The following SNIP1 variants were observed in gnomAD, a reference collection of about 807,000 sequenced individuals.
SNIP1 encodes the protein Smad nuclear interacting protein 1.
In SNIP1, 23 loss-of-function variants were observed where a neutral mutation model predicts 37.4. The ratio of observed to expected loss-of-function variants is 0.61; its 90% CI spans 0.44 to 0.87. The LOEUF (loss-of-function observed/expected upper bound fraction) is 0.87, where lower values mean the gene tolerates loss of function less well. Among genes scored for constraint, SNIP1 ranks in the 40% least tolerant of loss-of-function variants. The pLI is 0.00. For missense variants in SNIP1, 459 were observed against 540.4 expected (o/e 0.85, Z 1.49); for synonymous variants, 174 against 200.0 (o/e 0.87, Z 1.10).
chr1:37,549,371 G>GC (rs923004074), intron 2 of SNIP1, among the ~76,000 whole-genome samples: 1 of 152,056 alleles, frequency 6.6e-6, no homozygotes, highest in African/African-American at 2.4e-5. Context: ...GTCAATTATT[G>GC]CCCCCAAACG....
rs202020647 is a variant in SNIP1 at position 37,540,752 on chromosome 1, G to A, written c.331C>T (p.Arg111Cys). The A allele has an allele frequency of 1.3e-4, 206 of 1,590,180 alleles. No homozygotes were observed. In the Middle Eastern group the frequency reaches 1.3e-3, roughly 10 times the overall value. Reference protein sequence around the residue: ...HHSTVKVKQEREDHPRRGRED... With the variant: ...HHSTVKVKQECEDHPRRGRED... ...CGTCCTCTCCGGGGATGATCCTCAC[G>A]CTCCTAAAATTCAAACAGATTCTGT... The change falls in exon 3 of 4, where the codon CGT (arginine) becomes TGT (cysteine). Residue 111 changes from arginine to cysteine, a missense_variant. Arg to Cys is a radical substitution (Grantham distance 180). Coordinates refer to ENST00000296215, the MANE Select transcript of SNIP1 (RefSeq NM_024700.4). This position sits in a 1 kb window ranked among gnomAD's most constrained non-coding sequence, Gnocchi z 5.6.
At chr1:37,541,161 T>C (rs1643170135) in intron 2 of SNIP1, 1 of 158,886 alleles carries the variant, frequency 6.3e-6, no homozygotes, top group Non-Finnish European at 1.4e-5. Flanking sequence ...AGAAACTAGC[T>C]TTCTCTCATG....
rs912001333 is a variant in SNIP1, at chr1:37,553,952, G to C, written c.224+54C>G. 5.2e-6 allele frequency: 8 copies of C among 1,528,578 alleles called. No individual in the cohort carries two copies. The African/African-American group carries it at 8.3e-5, about 16-fold the overall frequency. The allele number at this position is 1,528,578 out of a possible 1,614,324, so 94.7% of individuals were successfully genotyped here. ...CCTGTTTCGGACGCTAGCCCTGCCC[G>C]CCTTTCTGAATGAGCCCAACCCAAT... On this transcript the variant is annotated intron_variant, in intron 1 of 3. Coordinates refer to ENST00000296215, the MANE Select transcript of SNIP1 (RefSeq NM_024700.4).
rs747496092 is a variant in SNIP1, at chr1:37,554,153, C to G, written c.77G>C (p.Gly26Ala). The change falls in exon 1 of 4, where the codon GGG (glycine) becomes GCG (alanine). Residue 26 changes from glycine (G) to alanine (A), a missense_variant. Coordinates refer to ENST00000296215, the MANE Select transcript of SNIP1 (RefSeq NM_024700.4). ...GAGACGCTCCTGCTTCACCACCACC[C>G]CCGCCGGCAGCACCACGTCCCCGTC... is the stretch of plus-strand genomic sequence containing the variant. ...HRDGDVVLPA[G>A]VVVKQERLSP... 2 of 1,612,804 alleles carry G rather than the reference C, an allele frequency of 1.2e-6. No individual in the cohort carries two copies. The highest frequency in any genetic ancestry group is 2.2e-5 in the South Asian group (2 of 91,000).
intron 2 of SNIP1, chr1:37,541,720 C>G (rs1435098293): frequency 6.6e-6 from 1 of 150,428 alleles, no homozygotes; most frequent in Non-Finnish European, 1.5e-5. Flanking sequence ...ACAAACCATA[C>G]AGTAGTCCCA....
chr1:37,552,730 T>C lies in SNIP1; in HGVS notation c.242A>G (p.Lys81Arg). Residue 81 changes from lysine (K) to arginine (R), a missense_variant, in exon 2 of 4, where the codon AAA (lysine) becomes AGA (arginine). Physicochemically the swap from Lys to Arg is conservative, Grantham distance 26. Transcript: ENST00000296215. ...RGVSRSPPKK[K>R]NKASGRRSKS... The stretch of plus-strand genomic sequence containing the variant: ...GCTTCTTCTCCCTGAGGCCTTGTTT[T>C]TCTTTTTGGGTGGGGACCTATTCAG... 4 of 1,614,214 alleles carry C rather than the reference T, an allele frequency of 2.5e-6. No homozygotes were observed. In the South Asian group the frequency reaches 3.3e-5, roughly 13 times the overall value.
At chr1:37,541,462 A>T (rs1643173661) in intron 2 of SNIP1, 1 of 152,222 alleles carries the variant, frequency 6.6e-6, no homozygotes, top group South Asian at 2.1e-4. Context: ...CAGGAGTTCC[A>T]GACCAGCCTG....
In SNIP1 at chr1:37,535,211, A is replaced by C. The variant is rs966573746; in HGVS notation, c.*2537T>G. The C allele has an allele frequency of 3.9e-4, 23 of 58,774 alleles. No homozygotes were observed. The highest frequency in any genetic ancestry group is 2.1e-3 in the African/African-American group (21 of 9,784). 3.6% of individuals were successfully genotyped at this position (58,774 alleles called of 1,614,324 possible). A position where few individuals can be genotyped will look rare whatever the true frequency, so the allele number is the denominator to read the frequency against. ...ATGGTGAAACCCCATCTCTACTAAA[A>C]AAAAATAAAAAATAAAAATTATATA... On this transcript the variant is annotated 3_prime_UTR_variant, in exon 4 of 4. Transcript: ENST00000296215.
rs1643116465 is a variant in SNIP1, at chr1:37,537,771, C to T, written c.1168G>A (p.Glu390Lys). 1 of 1,613,986 alleles carries T rather than the reference C, an allele frequency of 6.2e-7. No individual in the cohort carries two copies. The highest frequency in any genetic ancestry group is 2.2e-5 in the East Asian group (1 of 44,890). The change falls in exon 4 of 4, where the codon GAG (glutamate) becomes AAG (lysine). Residue 390 changes from glutamate (E) to lysine (K), a missense_variant. By Grantham distance (56) the Glu-to-Lys change is moderately conservative (BLOSUM62 1). Transcript: ENST00000296215. ...TGCTAGCTGTCAGACACTTCTTCCT[C>T]CTCCTCCTCATCCTCGTCATCTTTC... Reference protein sequence around the residue: ...DRKDDEDEEEEEEVSDS With the variant: ...DRKDDEDEEEKEEVSDS
intron 2 of SNIP1, among the ~76,000 whole-genome samples, chr1:37,542,654 C>T (rs1239987603): frequency 6.6e-6 from 1 of 152,062 alleles, no homozygotes; most frequent in Non-Finnish European, 1.5e-5. Flanking sequence ...GTGGGAGGAT[C>T]GCTTGAGCCT....
chr1:37,543,062 A>C (rs1643192510), intron 2 of SNIP1, among the ~76,000 whole-genome samples: 1 of 152,134 alleles, frequency 6.6e-6, no homozygotes, highest in African/African-American at 2.4e-5. Context: ...TCTTGAAAAA[A>C]AAAAAAAAAG....
At chr1:37,549,771 C>T (rs4652959) in intron 2 of SNIP1, among the ~76,000 whole-genome samples, 115,090 of 152,038 alleles carry the variant, frequency 0.76, 45,446 homozygotes, top group East Asian at 0.96. Context: ...AAAAAAGAAG[C>T]TGAATAGCTA....
rs1643153888 is a variant in SNIP1 at position 37,540,044 on chromosome 1, T to A, written c.926+113A>T. The A allele has an allele frequency of 9.7e-6, 8 of 825,444 alleles. No individual in the cohort carries two copies. The Admixed American group carries it at 1.7e-4, about 18-fold the overall frequency. 51.1% of individuals were successfully genotyped at this position (825,444 alleles called of 1,614,324 possible). On this transcript the variant is annotated intron_variant, in intron 3 of 3. Transcript: ENST00000296215. This position sits in a 1 kb window ranked among gnomAD's most constrained non-coding sequence, Gnocchi z 5.6. ...AGTTAGATTAACAATACTCTTTAGA[T>A]AACATATGAGGGGTATGGGATTCTT...
chr1:37,543,672 A>G (rs1643197301), intron 2 of SNIP1, among the ~76,000 whole-genome samples: 1 of 152,074 alleles, frequency 6.6e-6, no homozygotes, highest in African/African-American at 2.4e-5. Context: ...TAAATTTTTA[A>G]TGCACTGTTG....
intron 2 of SNIP1, among the ~76,000 whole-genome samples, chr1:37,547,009 G>GC (rs1643246726): frequency 6.6e-6 from 1 of 152,086 alleles, no homozygotes; most frequent in African/African-American, 2.4e-5. Flanking sequence ...ACACTGGATC[G>GC]CCCCTGGATT....
intron 2 of SNIP1, among the ~76,000 whole-genome samples, chr1:37,543,348 C>T (rs764574295): frequency 6.6e-5 from 10 of 151,992 alleles, no homozygotes; most frequent in African/African-American, 9.7e-5. Flanking sequence ...TACAGAAATA[C>T]TAGCAGAAAC....
chr1:37,553,960 G>T (rs1244293932), intron 1 of SNIP1, 46 bp downstream of exon 1: 1 of 1,541,002 alleles, frequency 6.5e-7, no homozygotes, highest in Non-Finnish European at 8.8e-7. Context: ...CCGCCTTTCT[G>T]AATGAGCCCA....
At chr1:37,551,630 GA>G in intron 2 of SNIP1, among the ~76,000 whole-genome samples, 1 of 152,224 alleles carries the variant, frequency 6.6e-6, no homozygotes, top group Non-Finnish European at 1.5e-5. Context: ...ATATAGCAAA[GA>G]GGTAGCCATC....
intron 1 of SNIP1, 65 bp from the exon 2 acceptor site, chr1:37,552,812 AG>A: frequency 7.6e-7 from 1 of 1,320,296 alleles, no homozygotes; most frequent in Non-Finnish European, 1.1e-6. Flanking sequence ...ATTAGCTTCC[AG>A]TATCAGGCTT....
Sources: allele counts gnomAD v4.1 joint callset (sites outside exome capture counted in the v4.1 genomes callset), GRCh38; gene constraint gnomAD v4.1.1; non-coding constraint Gnocchi (gnomAD v3.1); transcripts MANE v1.5; gene names NCBI Gene and HGNC (gene_info 2026-07-23, HGNC 2026-07-21).